The following NRG2 variants were observed in gnomAD, a reference collection of about 807,000 sequenced individuals.
NRG2 encodes the protein neuregulin 2.
NRG2 carries 27 observed loss-of-function variants against 73.9 expected under a neutral mutation model. The ratio of observed to expected loss-of-function variants is 0.37; its 90% CI spans 0.27 to 0.50. NRG2 has a LOEUF of 0.50. Ranked by LOEUF, NRG2 falls within the 20% of genes least tolerant of loss-of-function variation. NRG2 has a pLI of 0.96. For missense variants in NRG2, 1,126 were observed against 1,210.1 expected (o/e 0.93, Z 1.03); for synonymous variants, 532 against 541.0 (o/e 0.98, Z 0.23).
At chr5:139,940,451 C>T (rs1252599035) in intron 1 of NRG2, among the ~76,000 whole-genome samples, 1 of 152,170 alleles carries the variant, frequency 6.6e-6, no homozygotes, top group Non-Finnish European at 1.5e-5. Context: ...CATCCTCTAA[C>T]ATGATTGTAG....
chr5:139,904,289 C>A lies in NRG2; in HGVS notation c.701-16778G>T. 2 of 1,583,572 alleles carry A rather than the reference C, an allele frequency of 1.3e-6. No homozygotes were observed. The highest frequency in any genetic ancestry group is 8.5e-7 in the Non-Finnish European group (1 of 1,173,590). ...CTCCCAGGGAAACCGGGTTTCTGGG[C>A]GCGCGGAGGTGCCCTACCTTTCTCC... is the stretch of plus-strand genomic sequence containing the variant. On this transcript the variant is annotated intron_variant, in intron 1 of 9. Coordinates refer to ENST00000361474, the MANE Select transcript of NRG2 (RefSeq NM_004883.3). The surrounding 1 kb of genome is among the most constrained non-coding windows in gnomAD (Gnocchi z 6.0).
intron 1 of NRG2, among the ~76,000 whole-genome samples, chr5:139,971,326 A>G (rs1044616076): frequency 3.3e-5 from 5 of 152,160 alleles, no homozygotes; most frequent in African/African-American, 7.2e-5. Context: ...CTGGCATCCA[A>G]ACAGCTGGGG....
At position 139,848,181 on chromosome 5, in the gene NRG2, C is replaced by T. The variant is rs1470903821; in HGVS notation, c.2289G>A (p.Leu763=). The change falls in exon 10 of 10, where the codon CTG becomes CTA. Residue 763 remains leucine, a synonymous_variant. Coordinates refer to ENST00000361474, the MANE Select transcript of NRG2 (RefSeq NM_004883.3). The part of the protein sequence containing the change: ...AQRARAARDS[L]SLSSGSGGGS... ...CGCCGCCCGAGCCGCTGCTCAGCGACAGCGAGTCCCTCGCCGCCCGTGCGC... is the reference window on the plus strand; with the variant it reads ...CGCCGCCCGAGCCGCTGCTCAGCGATAGCGAGTCCCTCGCCGCCCGTGCGC... 40 of 1,403,466 alleles carry T rather than the reference C, an allele frequency of 2.9e-5. No homozygotes were observed. In the Middle Eastern group the frequency reaches 1.0e-3, roughly 36 times the overall value. The allele number at this position is 1,403,466 out of a possible 1,614,324, so 86.9% of individuals were successfully genotyped here.
chr5:139,975,525 G>A (rs1215529390), intron 1 of NRG2, among the ~76,000 whole-genome samples: 1 of 152,244 alleles, frequency 6.6e-6, no homozygotes, highest in Non-Finnish European at 1.5e-5. Flanking sequence ...CACAAAGCCA[G>A]GTGCCAGGTC....
intron 1 of NRG2, among the ~76,000 whole-genome samples, chr5:139,890,002 G>A (rs1263646560): frequency 6.6e-6 from 1 of 152,180 alleles, no homozygotes; most frequent in Non-Finnish European, 1.5e-5. Context: ...CTTCCTAAAA[G>A]TGGAATTGCT....
intron 1 of NRG2, among the ~76,000 whole-genome samples, chr5:139,961,110 G>A (rs1452512803): frequency 1.3e-5 from 2 of 152,230 alleles, no homozygotes; most frequent in East Asian, 3.8e-4. Flanking sequence ...GAACCAACAC[G>A]CTTGTACGCT....
chr5:139,858,541 G>A (rs947921788), intron 5 of NRG2, among the ~76,000 whole-genome samples: 1 of 152,212 alleles, frequency 6.6e-6, no homozygotes, highest in Admixed American at 6.5e-5. Context: ...CAGGGACTGT[G>A]TGTCTGGTAA....
At chr5:139,967,238 C>T (rs985418495) in intron 1 of NRG2, among the ~76,000 whole-genome samples, 5 of 152,138 alleles carry the variant, frequency 3.3e-5, no homozygotes, top group African/African-American at 9.7e-5. Context: ...TTATAAGGAC[C>T]TTCACTCCAG....
intron 2 of NRG2, among the ~76,000 whole-genome samples, chr5:139,883,242 C>G (rs568561952): frequency 1.3e-4 from 19 of 141,042 alleles, no homozygotes; most frequent in African/African-American, 4.1e-4. Context: ...CCCCCTCCCC[C>G]CTACCTCCCC....
In NRG2 at chr5:139,848,648, G is replaced by C; in HGVS notation, c.1822C>G (p.His608Asp). The part of the protein sequence containing the change: ...TPARLSPVDF[H>D]YSLATQVPTF... Reference sequence around the variant, plus strand: ...GGCACCTGCGTGGCCAGCGAGTAGTGGAAGTCCACGGGCGAGAGGCGCGCG... The same window carrying C: ...GGCACCTGCGTGGCCAGCGAGTAGTCGAAGTCCACGGGCGAGAGGCGCGCG... Residue 608 changes from histidine (H) to aspartate (D), a missense_variant, in exon 10 of 10, where the codon CAC becomes GAC. By Grantham distance (81) the His-to-Asp change is moderately conservative. Transcript: ENST00000361474. The C allele has an allele frequency of 6.4e-7, 1 of 1,574,076 alleles. No individual in the cohort carries two copies. The highest frequency in any genetic ancestry group is 1.4e-5 in the African/African-American group (1 of 73,166).
chr5:139,912,687 G>A (rs563706891), intron 1 of NRG2, among the ~76,000 whole-genome samples: 2 of 152,160 alleles, frequency 1.3e-5, no homozygotes, highest in Admixed American at 1.3e-4. Flanking sequence ...CACTGGAACT[G>A]CAAATACCAT....
At chr5:140,001,699 CAAAAAAAA>C (rs71574478) in intron 1 of NRG2, among the ~76,000 whole-genome samples, 2 of 133,092 alleles carry the variant, frequency 1.5e-5, no homozygotes, top group African/African-American at 5.6e-5. Flanking sequence ...CTATCTCCAC[CAAAAAAAA>C]AAAAAAATGG....
chr5:139,888,408 C>T (rs180886424), intron 1 of NRG2, among the ~76,000 whole-genome samples: 3 of 152,292 alleles, frequency 2.0e-5, no homozygotes, highest in East Asian at 1.9e-4. Context: ...AGATTTGCCA[C>T]GTGTTAGGCT....
In NRG2 at chr5:139,852,830, C is replaced by A; in HGVS notation, c.1416+74G>T. 5.6e-6 allele frequency: 9 copies of A among 1,596,236 alleles called. No individual in the cohort carries two copies. The South Asian group carries it at 1.0e-4, about 18-fold the overall frequency. On this transcript the variant is annotated intron_variant, in intron 7 of 9. Coordinates refer to ENST00000361474, the MANE Select transcript of NRG2 (RefSeq NM_004883.3). The surrounding 1 kb of genome is among the most constrained non-coding windows in gnomAD (Gnocchi z 4.4). Reference sequence around the variant, plus strand: ...GGATAGGCTGGCTGCTGCCCTGGCCCATCCTTGCAGGGGGCATGAGAAGGC... The same window carrying A: ...GGATAGGCTGGCTGCTGCCCTGGCCAATCCTTGCAGGGGGCATGAGAAGGC...
rs1761138528 is a variant in NRG2, at chr5:139,848,245, C to G, written c.2225G>C (p.Arg742Pro). Reference protein sequence around the residue: ...ASRRTSAGPRRWRRSRLNGLA... With the variant: ...ASRRTSAGPRPWRRSRLNGLA... ...CCCGTTGAGGCGCGAGCGGCGCCAGCGCCGGGGCCCCGCCGACGTCCTGCG... is the reference window on the plus strand; with the variant it reads ...CCCGTTGAGGCGCGAGCGGCGCCAGGGCCGGGGCCCCGCCGACGTCCTGCG... Residue 742 changes from arginine (R) to proline (P), a missense_variant, in exon 10 of 10, where the codon CGC becomes CCC. Around this residue, in one of 3 missense-constraint regions of NRG2, gnomAD observed 402 missense variants for 357.8 expected, o/e 1.12. Transcript: ENST00000361474. 2 of 1,132,422 alleles carry G rather than the reference C, an allele frequency of 1.8e-6. No individual in the cohort carries two copies. Among genetic ancestry groups the G allele is most frequent in the African/African-American group, 3.3e-5 (2 of 60,246 alleles). 70.1% of individuals were successfully genotyped at this position (1,132,422 alleles called of 1,614,324 possible). A position where few individuals can be genotyped will look rare whatever the true frequency, so the allele number is the denominator to read the frequency against.
chr5:140,040,737 G>A (rs1290225961), intron 1 of NRG2, among the ~76,000 whole-genome samples: 1 of 151,952 alleles, frequency 6.6e-6, no homozygotes, highest in African/African-American at 2.4e-5. Context: ...GCTCCCCAAG[G>A]CATCTCAGAG....
chr5:139,884,384 A>T (rs779573534), intron 2 of NRG2, among the ~76,000 whole-genome samples: 1 of 152,224 alleles, frequency 6.6e-6, no homozygotes, highest in Non-Finnish European at 1.5e-5. Flanking sequence ...GTCCAGAGCC[A>T]TGAAAGGAAA....
rs1224846628 is a variant in NRG2 at position 139,865,416 on chromosome 5, A to G, written c.1189+133T>C. ...GAACTAACAAACCAAAATACAAAAA[A>G]GAAAAGAGAAACAAAACAAAACAGC... On this transcript the variant is annotated intron_variant, in intron 5 of 9. Transcript: ENST00000361474. The surrounding 1 kb of genome is among the most constrained non-coding windows in gnomAD (Gnocchi z 5.2). 2.6e-6 allele frequency: 2 copies of G among 762,200 alleles called. No homozygotes were observed. The highest frequency in any genetic ancestry group is 2.7e-5 in the Admixed American group (1 of 36,580). The allele number at this position is 762,200 out of a possible 1,614,324, so 47.2% of individuals were successfully genotyped here.
chr5:139,854,352 T>C (rs1478638815), intron 6 of NRG2, among the ~76,000 whole-genome samples: 2 of 152,266 alleles, frequency 1.3e-5, no homozygotes, highest in African/African-American at 2.4e-5. Context: ...AAACCCTTCC[T>C]GCTCCTCAGC....
Sources: allele counts gnomAD v4.1 joint callset (sites outside exome capture counted in the v4.1 genomes callset), GRCh38; gene constraint gnomAD v4.1.1; regional missense constraint gnomAD v4.1.1; non-coding constraint Gnocchi (gnomAD v3.1); transcripts MANE v1.5; gene names NCBI Gene and HGNC (gene_info 2026-07-23, HGNC 2026-07-21).